The following CCT8 variants were observed in gnomAD, a reference collection of about 807,000 sequenced individuals.
CCT8 encodes T-complex protein 1 subunit theta.
CCT8 carries 10 observed loss-of-function variants against 65.7 expected under a neutral mutation model. The observed-to-expected ratio is 0.15, with a 90% CI of 0.09 to 0.26. CCT8 has a LOEUF of 0.26. Among genes scored for constraint, CCT8 ranks in the 10% least tolerant of loss-of-function variants. The probability of loss-of-function intolerance (pLI) is 1.00; values close to 1 mark genes in which losing one functional copy is unlikely to be tolerated. For missense variants in CCT8, 568 were observed against 669.1 expected, an observed-to-expected ratio of 0.85 and a Z score of 1.67; for synonymous variants, 199 against 221.8, an observed-to-expected ratio of 0.90 and a Z score of 0.92.
chr21:29,064,409 T>TAAAAAAA (rs34760776), intron 7 of CCT8, among the ~76,000 whole-genome samples: 21 of 26,722 alleles, frequency 7.9e-4, no homozygotes, highest in East Asian at 1.4e-3. Flanking sequence ...AGCAAGACTC[T>TAAAAAAA]AAAAAAAAAA....
intron 14 of CCT8, 55 bp from the exon 15 acceptor site, chr21:29,056,607 A>T: frequency 9.0e-7 from 1 of 1,106,192 alleles, no homozygotes; most frequent in Non-Finnish European, 1.3e-6. Context: ...CTTTAGAATG[A>T]AAAGAATGCT....
chr21:29,060,792 A>C, intron 13 of CCT8, 132 bp from the exon 14 acceptor site: 1 of 920,250 alleles, frequency 1.1e-6, no homozygotes, highest in Non-Finnish European at 1.6e-6. Context: ...TTATAGAGTC[A>C]TCCTTTAGTA....
Position 29,071,821 on chromosome 21 carries a change from G to T in CCT8, c.61-1484C>A, listed in dbSNP as rs541254167. The T allele has an allele frequency of 2.2e-5, 14 of 624,948 alleles. No individual in the cohort carries two copies. In the East Asian group the frequency reaches 3.9e-4, roughly 17 times the overall value. The allele number at this position is 624,948 out of a possible 1,614,324, so 38.7% of individuals were successfully genotyped here. On this transcript the variant is annotated intron_variant, in intron 1 of 14. Coordinates refer to ENST00000286788, the MANE Select transcript of CCT8 (RefSeq NM_006585.4). The stretch of plus-strand genomic sequence containing the variant: ...TCTGTGAGAAACTACCATTTGATCA[G>T]ATCCCCTCATTCCCATACTTAAGAC...
chr21:29,056,695 T>C, intron 14 of CCT8, 143 bp from the exon 15 acceptor site: 1 of 425,536 alleles, frequency 2.3e-6, no homozygotes, highest in Non-Finnish European at 4.1e-6. Flanking sequence ...AGCACAGAGT[T>C]TGCTAGCTCC....
At chr21:29,063,604 G>A in intron 7 of CCT8, 74 bp from the exon 8 acceptor site, 1 of 1,454,160 alleles carries the variant, frequency 6.9e-7, no homozygotes, top group African/African-American at 1.4e-5. Context: ...GATAATAGTT[G>A]ACTGAAGAAA....
At chr21:29,059,676 A>G (rs904147488) in intron 14 of CCT8, 18 of 152,226 alleles carry the variant, frequency 1.2e-4, no homozygotes, top group African/African-American at 4.3e-4. Context: ...AAACCCGTTA[A>G]TCTGGTACAT....
intron 14 of CCT8, 65 bp downstream of exon 14, chr21:29,060,476 G>GA: frequency 2.0e-6 from 3 of 1,525,592 alleles, no homozygotes; most frequent in Non-Finnish European, 2.7e-6. Context: ...CTAGTTCTGG[G>GA]AAAATATACT....
intron 14 of CCT8, among the ~76,000 whole-genome samples, chr21:29,057,611 A>T (rs1297161876): frequency 3.4e-5 from 5 of 146,440 alleles, no homozygotes; most frequent in Admixed American, 6.9e-5. Flanking sequence ...AAAAACTAAA[A>T]ATATATATAT....
intron 14 of CCT8, among the ~76,000 whole-genome samples, chr21:29,058,386 A>G (rs2085527668): frequency 6.6e-6 from 1 of 151,816 alleles, no homozygotes; most frequent in Non-Finnish European, 1.5e-5. Context: ...GGTTGCAGTA[A>G]GCTGAGATCA....
At position 29,066,645 on chromosome 21, in the gene CCT8, GCACAAAAAAACAAAAAAAGCA is replaced by G. The variant is rs983434854; in HGVS notation, c.624+50_624+70del. On this transcript the variant is annotated intron_variant, in intron 6 of 14. Transcript: ENST00000286788. ...TAGATGAACACATTTTTTTTTTTTT[GCACAAAAAAACAAAAAAAGCA>G]CACAAAAAAACTGACCTAGATATGT... 25 of 784,420 alleles carry G rather than the reference GCACAAAAAAACAAAAAAAGCA, an allele frequency of 3.2e-5. 1 individual carries two copies. The African/African-American group carries it at 4.4e-4, about 14-fold the overall frequency. 48.6% of individuals were successfully genotyped at this position (784,420 alleles called of 1,614,324 possible).
At chr21:29,066,081 CAAAAA>C (rs10597265) in intron 6 of CCT8, among the ~76,000 whole-genome samples, 1 of 102,686 alleles carries the variant, frequency 9.7e-6, no homozygotes, top group African/African-American at 3.8e-5. Context: ...GACTCCATCT[CAAAAA>C]AAAAAAAAAA....
chr21:29,070,565 C>T (rs2085669832), intron 1 of CCT8, among the ~76,000 whole-genome samples: 1 of 152,058 alleles, frequency 6.6e-6, no homozygotes, highest in South Asian at 2.1e-4. Flanking sequence ...TATAATAGTA[C>T]CTAACTCATA....
At position 29,060,766 on chromosome 21, in the gene CCT8, CAAGCACAG is replaced by C. The variant is rs1465175127; in HGVS notation, c.1450-114_1450-107del. On this transcript the variant is annotated intron_variant, in intron 13 of 14. Coordinates refer to ENST00000286788, the MANE Select transcript of CCT8 (RefSeq NM_006585.4). ...TCCTTAAATAGTACTGGAAAGTAAC[CAAGCACAG>C]TCCTACCTTATAGAGTCATCCTTTA... 2.5e-6 allele frequency: 3 copies of C among 1,186,552 alleles called. No individual in the cohort carries two copies. The East Asian group carries it at 7.1e-5, about 28-fold the overall frequency. The allele number at this position is 1,186,552 out of a possible 1,614,324, so 73.5% of individuals were successfully genotyped here. A position where few individuals can be genotyped will look rare whatever the true frequency, so the allele number is the denominator to read the frequency against.
In CCT8 at chr21:29,056,417, T is replaced by A; in HGVS notation, c.*58A>T. 1.0e-5 allele frequency: 9 copies of A among 861,798 alleles called. No homozygotes were observed. Among genetic ancestry groups the A allele is most frequent in the Non-Finnish European group, 1.5e-5 (9 of 587,410 alleles). The allele number at this position is 861,798 out of a possible 1,614,324, so 53.4% of individuals were successfully genotyped here. A position where few individuals can be genotyped will look rare whatever the true frequency, so the allele number is the denominator to read the frequency against. On this transcript the variant is annotated 3_prime_UTR_variant, in exon 15 of 15. Coordinates refer to ENST00000286788, the MANE Select transcript of CCT8 (RefSeq NM_006585.4). Reference sequence around the variant, plus strand: ...TTAAGGAGAATAAGAAAACATCAGGTGATTCTTGAGTACTACTACAAATAC... The same window carrying A: ...TTAAGGAGAATAAGAAAACATCAGGAGATTCTTGAGTACTACTACAAATAC...
At chr21:29,073,440 G>C (rs769519506) in intron 1 of CCT8, 91 bp downstream of exon 1, 2 of 1,599,962 alleles carry the variant, frequency 1.3e-6, no homozygotes, top group African/African-American at 1.3e-5. Context: ...AGGGCAGCAC[G>C]CTCAGCCCGT....
chr21:29,061,681 T>C (rs369458551), intron 11 of CCT8, 114 bp from the exon 12 acceptor site: 3 of 1,050,756 alleles, frequency 2.9e-6, no homozygotes, highest in South Asian at 1.4e-5. Flanking sequence ...CAGGAGTTTT[T>C]ATCAGTCATT....
intron 1 of CCT8, among the ~76,000 whole-genome samples, chr21:29,071,119 G>T (rs1219823537): frequency 3.3e-5 from 5 of 152,088 alleles, no homozygotes; most frequent in Non-Finnish European, 7.4e-5. Context: ...TTAGAGAAGC[G>T]CTGCCCAATA....
Position 29,062,244 on chromosome 21 carries a change from C to T in CCT8, c.1097-1G>A. The T allele has an allele frequency of 6.2e-7, 1 of 1,612,042 alleles. No homozygotes were observed. The highest frequency in any genetic ancestry group is 8.5e-7 in the Non-Finnish European group (1 of 1,178,362). ...GTAGAAATGGCGCCATCTTCCTTTT[C>T]TATCAAAAAATTAAATATATTTGGT... On this transcript the variant is annotated splice_acceptor_variant, in intron 10 of 14. Transcript: ENST00000286788. LOFTEE classifies it high-confidence loss of function.
intron 1 of CCT8, among the ~76,000 whole-genome samples, chr21:29,071,133 T>C (rs1298048170): frequency 2.6e-5 from 4 of 152,218 alleles, no homozygotes; most frequent in Non-Finnish European, 5.9e-5. Context: ...CCCAATACAG[T>C]AGCCACTAGC....
Sources: gnomAD v4.1 joint callset for allele counts (sites outside exome capture counted in the v4.1 genomes callset) on GRCh38, gnomAD v4.1.1 for gene constraint, MANE v1.5 for transcripts, NCBI Gene and HGNC (gene_info 2026-07-23, HGNC 2026-07-21) for gene names.